Variants in MVP observed in about 807,000 individuals in gnomAD.
MVP encodes the protein major vault protein, also known as lung resistance-related protein.
MVP carries 62 observed loss-of-function variants against 83.5 expected under a neutral mutation model. That is an observed-to-expected ratio of 0.74 (90% CI 0.61 to 0.92). The LOEUF is 0.92. MVP is among the 40% of genes least tolerant of loss of function. The pLI is 0.00. For missense variants in MVP, 1,000 were observed against 1,203.4 expected (o/e 0.83, Z 2.50); for synonymous variants, 505 against 504.1 (o/e 1.00, Z -0.02).
In MVP at chr16:29,835,734, C is replaced by T. The variant is rs755247776; in HGVS notation, c.608C>T (p.Ala203Val). 5 of 1,613,698 alleles carry T rather than the reference C, an allele frequency of 3.1e-6. No individual in the cohort carries two copies. Among genetic ancestry groups the T allele is most frequent in the South Asian group, 1.1e-5 (1 of 91,064 alleles). Reference protein sequence around the residue: ...GEEWLVTTVGAYLPAVFEEVL... With the variant: ...GEEWLVTTVGVYLPAVFEEVL... ...GAATGGCTGGTCACCACAGTAGGGG[C>T]GTACCTCCCAGCGGTGTTTGAGGAG... The change falls in exon 6 of 15, where the codon GCG becomes GTG. Residue 203 changes from alanine to valine, a missense_variant. By Grantham distance (64) the Ala-to-Val change is moderately conservative. Coordinates refer to ENST00000357402, the MANE Select transcript of MVP (RefSeq NM_005115.5).
chr16:29,835,480 C>CAA (rs59649743), intron 5 of MVP: 2,802 of 71,740 alleles, frequency 0.039, 44 homozygotes, highest in South Asian at 0.11. Flanking sequence ...GACTCCGTCT[C>CAA]AAAAAAAAAA....
intron 3 of MVP, 119 bp from the exon 4 acceptor site, chr16:29,833,614 C>A: frequency 1.4e-6 from 2 of 1,407,502 alleles, no homozygotes; most frequent in Non-Finnish European, 1.9e-6. Flanking sequence ...CCGGCCTCCA[C>A]CCCAGTCTTA....
intron 1 of MVP, chr16:29,822,460 G>A (rs2067370226): frequency 1.3e-5 from 2 of 152,150 alleles, no homozygotes; most frequent in South Asian, 2.1e-4. Flanking sequence ...CTAAAGACTA[G>A]AATATTTAAC....
chr16:29,834,373 A>G (rs979593850), intron 5 of MVP: 1 of 366,288 alleles, frequency 2.7e-6, no homozygotes, highest in African/African-American at 2.1e-5. Context: ...ATGTTCAAAT[A>G]CAATTGACAA....
chr16:29,834,203 C>A, intron 5 of MVP, 137 bp downstream of exon 5: 2 of 1,190,810 alleles, frequency 1.7e-6, no homozygotes, highest in Non-Finnish European at 2.3e-6. Flanking sequence ...CTGTTGAGGG[C>A]CACCCACTGC....
At chr16:29,833,276 C>G (rs2067458476) in intron 3 of MVP, 1 of 160,368 alleles carries the variant, frequency 6.2e-6, no homozygotes, top group Admixed American at 6.1e-5. Flanking sequence ...AGTTTCAGTT[C>G]AAAGGGCCTT....
In MVP at chr16:29,833,354, T is replaced by G. The variant is rs527807168; in HGVS notation, c.322-379T>G. On this transcript the variant is annotated intron_variant, in intron 3 of 14. Transcript: ENST00000357402. ...CTCTGCTGCCCAGGCTGAAGTGCAG[T>G]GGTGCAGTCATAGCTCACTGAAGCC... is the stretch of plus-strand genomic sequence containing the variant. 24 of 205,702 alleles carry G rather than the reference T, an allele frequency of 1.2e-4. No homozygotes were observed. The East Asian group carries it at 2.9e-3, about 25-fold the overall frequency. 12.7% of individuals were successfully genotyped at this position (205,702 alleles called of 1,614,324 possible).
At chr16:29,847,143 C>T in intron 13 of MVP, 54 bp from the exon 14 acceptor site, 1 of 1,582,420 alleles carries the variant, frequency 6.3e-7, no homozygotes, top group South Asian at 1.1e-5. Flanking sequence ...GAGTCCTGAT[C>T]TGCATTCCAG....
intron 1 of MVP, among the ~76,000 whole-genome samples, chr16:29,828,111 C>T (rs2150751467): frequency 6.6e-6 from 1 of 151,890 alleles, no homozygotes; most frequent in South Asian, 2.1e-4. Context: ...CAGGCACGTG[C>T]CACCATGCCC....
chr16:29,847,046 TG>T, intron 13 of MVP, 150 bp from the exon 14 acceptor site: 1 of 804,076 alleles, frequency 1.2e-6, no homozygotes, highest in Non-Finnish European at 2.0e-6. Flanking sequence ...TTTAATTGAC[TG>T]GGTGTGGTGG....
intron 12 of MVP, 70 bp from the exon 13 acceptor site, chr16:29,846,088 C>T: frequency 1.2e-6 from 2 of 1,601,616 alleles, no homozygotes; most frequent in South Asian, 2.2e-5. Flanking sequence ...TGCACGGCTA[C>T]AGCATAAGCC....
chr16:29,831,662 A>G (rs967400951), intron 3 of MVP: 12 of 456,002 alleles, frequency 2.6e-5, no homozygotes, highest in Non-Finnish European at 5.3e-5. Flanking sequence ...GCCTACCAGA[A>G]GTGCCCAGCC....
intron 3 of MVP, chr16:29,833,471 T>G: frequency 6.0e-6 from 1 of 167,018 alleles, no homozygotes; most frequent in Non-Finnish European, 1.2e-5. Context: ...GGCTACACTT[T>G]TTTTTTTTTT....
chr16:29,838,774 C>T (rs564966441), intron 7 of MVP, among the ~76,000 whole-genome samples: 3 of 152,242 alleles, frequency 2.0e-5, no homozygotes, highest in Non-Finnish European at 4.4e-5. Context: ...GTATAGTGAG[C>T]TATGATTGTG....
At chr16:29,842,454 T>C (rs2150759228) in intron 10 of MVP, among the ~76,000 whole-genome samples, 1 of 152,134 alleles carries the variant, frequency 6.6e-6, no homozygotes, top group East Asian at 1.9e-4. Context: ...TACAGGCATG[T>C]GCCACCATGC....
At chr16:29,825,670 A>T (rs1345457546) in intron 1 of MVP, among the ~76,000 whole-genome samples, 1 of 152,138 alleles carries the variant, frequency 6.6e-6, no homozygotes, top group Non-Finnish European at 1.5e-5. Flanking sequence ...AGCCATGAGG[A>T]TGACTCTTGC....
chr16:29,847,062 TGCCTGTA>T lies in MVP; in HGVS notation c.2266-133_2266-127del. The stretch of plus-strand genomic sequence containing the variant: ...TTAATTGACTGGGTGTGGTGGCACA[TGCCTGTA>T]GTCCCAGCTACCCAGGAGGCTGAGG... On this transcript the variant is annotated intron_variant, in intron 13 of 14. Coordinates refer to ENST00000357402, the MANE Select transcript of MVP (RefSeq NM_005115.5). 3.2e-6 allele frequency: 3 copies of T among 932,114 alleles called. No individual in the cohort carries two copies. The Admixed American group carries it at 6.9e-5, about 21-fold the overall frequency. 57.7% of individuals were successfully genotyped at this position (932,114 alleles called of 1,614,324 possible).
chr16:29,847,390 G>GAA lies in MVP; in HGVS notation c.2454+6_2454+7insAA. 1 of 1,536,454 alleles carries GAA rather than the reference G, an allele frequency of 6.5e-7. No individual in the cohort carries two copies. Among genetic ancestry groups the GAA allele is most frequent in the East Asian group, 2.3e-5 (1 of 44,072 alleles). The stretch of plus-strand genomic sequence containing the variant: ...GTGGCTGGGCCTGAGATGCAGGTGA[G>GAA]AGTTGGGGAAGGTGTGTTGGTTTCA... On this transcript the variant is annotated splice_donor_region_variant and intron_variant, in intron 14 of 14. Coordinates refer to ENST00000357402, the MANE Select transcript of MVP (RefSeq NM_005115.5).
chr16:29,840,286 C>T lies in MVP; in HGVS notation c.1018C>T (p.Leu340=), dbSNP rs777920881. 2 of 1,613,572 alleles carry T rather than the reference C, an allele frequency of 1.2e-6. No individual in the cohort carries two copies. The highest frequency in any genetic ancestry group is 2.7e-5 in the African/African-American group (2 of 74,904). ...GCTGCTGCTGAGGGCCCTGCAGCCC[C>T]TGGAGGAGGGGGAGGATGAGGAGAA... ...QGLLLRALQP[L]EEGEDEEKVS... Residue 340 remains leucine (L), a synonymous_variant, in exon 8 of 15, where the codon CTG becomes TTG. Transcript: ENST00000357402.
Sources: gnomAD v4.1 joint callset for allele counts (sites outside exome capture counted in the v4.1 genomes callset) on GRCh38, gnomAD v4.1.1 for gene constraint, MANE v1.5 for transcripts, NCBI Gene and HGNC (gene_info 2026-07-23, HGNC 2026-07-21) for gene names.